The following SUGCT variants were observed in gnomAD, a reference collection of about 807,000 sequenced individuals.
The protein encoded by SUGCT is succinyl-CoA:glutarate-CoA transferase.
In SUGCT, 41 loss-of-function variants were observed where a neutral mutation model predicts 55.0. The ratio of observed to expected loss-of-function variants is 0.74; its 90% CI spans 0.58 to 0.97. The LOEUF is 0.97. Ranked by LOEUF, SUGCT falls within the 50% of genes least tolerant of loss-of-function variation. The pLI, the probability that SUGCT is intolerant of heterozygous loss-of-function variation, is 0.00. For missense variants in SUGCT, 568 were observed against 547.8 expected (o/e 1.04, Z -0.37); for synonymous variants, 187 against 200.4 (o/e 0.93, Z 0.56).
At chr7:40,217,968 C>T (rs1049588234) in intron 6 of SUGCT, among the ~76,000 whole-genome samples, 1 of 152,146 alleles carries the variant, frequency 6.6e-6, no homozygotes, top group South Asian at 2.1e-4. Context: ...AATCCTAGCG[C>T]TTTGGGAGGC....
intron 7 of SUGCT, among the ~76,000 whole-genome samples, chr7:40,262,537 C>T (rs1791294066): frequency 6.6e-6 from 1 of 150,404 alleles, no homozygotes. Context: ...TGGTAGTGGG[C>T]CCTTGTAGTC....
chr7:40,889,420 A>G, the SUGCT span, among the ~76,000 whole-genome samples: 4 of 152,272 alleles, frequency 2.6e-5, no homozygotes, highest in African/African-American at 2.4e-5. Context: ...ATGGGCTTTG[A>G]GACAGGATCT....
chr7:40,189,632 GT>G, intron 5 of SUGCT, 38 bp downstream of exon 5: 1 of 1,185,636 alleles, frequency 8.4e-7, no homozygotes, highest in Non-Finnish European at 1.1e-6. Flanking sequence ...TACCACCTAG[GT>G]TATAATTAGG....
chr7:40,228,415 G>GT (rs932295443), intron 6 of SUGCT, among the ~76,000 whole-genome samples: 2 of 151,726 alleles, frequency 1.3e-5, no homozygotes. Flanking sequence ...ATTCTGTTGT[G>GT]TTTTTTGATT....
At chr7:40,260,698 C>T (rs1447701376) in intron 7 of SUGCT, among the ~76,000 whole-genome samples, 1 of 152,182 alleles carries the variant, frequency 6.6e-6, no homozygotes, top group African/African-American at 2.4e-5. Context: ...GTTGCCCAGA[C>T]TGGAGTGCAA....
chr7:40,549,744 G>T (rs535202242), intron 12 of SUGCT, among the ~76,000 whole-genome samples: 1 of 152,270 alleles, frequency 6.6e-6, no homozygotes, highest in South Asian at 2.1e-4. Flanking sequence ...AGCATGAGGA[G>T]GCAGTATAGA....
chr7:40,574,683 T>A lies in SUGCT; in HGVS notation c.1089+78297T>A, dbSNP rs1455113355. On this transcript the variant is annotated intron_variant, in intron 12 of 13. Transcript: ENST00000335693. Reference sequence around the variant, plus strand: ...GTGACCTCAGGCGATCCGCCTGCCTTGACCTCCCAAAGTATTGGGATTACA... The same window carrying A: ...GTGACCTCAGGCGATCCGCCTGCCTAGACCTCCCAAAGTATTGGGATTACA... Among the ~76,000 whole-genome samples the A allele has an allele frequency of 1.8e-4, 28 of 152,184 alleles. 1 individual carries two copies. Among genetic ancestry groups the A allele is most frequent in the Admixed American group, 1.8e-3 (28 of 15,282 alleles).
At chr7:40,617,732 A>G (rs553258020) in intron 12 of SUGCT, among the ~76,000 whole-genome samples, 2 of 152,204 alleles carry the variant, frequency 1.3e-5, no homozygotes, top group African/African-American at 2.4e-5. Flanking sequence ...CAATAACTGC[A>G]TACTTTTTTT....
chr7:40,304,514 T>G (rs1794733164), intron 8 of SUGCT, among the ~76,000 whole-genome samples: 1 of 151,538 alleles, frequency 6.6e-6, no homozygotes, highest in East Asian at 1.9e-4. Flanking sequence ...AGTAGTGATT[T>G]CTGAGATTTT....
the SUGCT span, among the ~76,000 whole-genome samples, chr7:40,970,188 C>T: frequency 2.7e-5 from 4 of 150,544 alleles, no homozygotes; most frequent in African/African-American, 9.8e-5. Context: ...TTTTTTTTTT[C>T]TGAGACGGAG....
intron 10 of SUGCT, among the ~76,000 whole-genome samples, chr7:40,455,963 A>G (rs766686779): frequency 1.2e-4 from 18 of 152,186 alleles, no homozygotes; most frequent in Middle Eastern, 3.2e-3. Context: ...TTTTCTCCTG[A>G]CAAACAGCTC....
intron 9 of SUGCT, among the ~76,000 whole-genome samples, chr7:40,419,490 A>G (rs1251230764): frequency 6.6e-6 from 1 of 152,192 alleles, no homozygotes; most frequent in Non-Finnish European, 1.5e-5. Context: ...TACTTTCCTC[A>G]TTTATTTATT....
At chr7:40,405,458 C>T (rs1172369996) in intron 9 of SUGCT, among the ~76,000 whole-genome samples, 1 of 152,096 alleles carries the variant, frequency 6.6e-6, no homozygotes, top group Non-Finnish European at 1.5e-5. Context: ...AGCACATTTA[C>T]TTTGCTTCTT....
chr7:40,650,000 A>G (rs918443311), intron 12 of SUGCT, among the ~76,000 whole-genome samples: 3 of 152,206 alleles, frequency 2.0e-5, no homozygotes, highest in Non-Finnish European at 2.9e-5. Flanking sequence ...AAGGCCTTTC[A>G]GAAGACTGCA....
At chr7:40,428,070 A>G (rs975686532) in intron 9 of SUGCT, among the ~76,000 whole-genome samples, 3 of 152,122 alleles carry the variant, frequency 2.0e-5, no homozygotes, top group Admixed American at 6.6e-5. Context: ...CTTGTTTCAT[A>G]TATTTTCATA....
the SUGCT span, among the ~76,000 whole-genome samples, chr7:41,009,853 C>A: frequency 6.6e-6 from 1 of 152,206 alleles, no homozygotes; most frequent in Non-Finnish European, 1.5e-5. Context: ...CTGAAGACTG[C>A]AGAAAAGTAC....
At chr7:40,177,804 C>T (rs1554283723) in intron 1 of SUGCT, among the ~76,000 whole-genome samples, 1 of 152,110 alleles carries the variant, frequency 6.6e-6, no homozygotes, top group Non-Finnish European at 1.5e-5. Flanking sequence ...GGCTGGAGTG[C>T]AGTGGTGTAA....
chr7:40,633,708 A>G (rs914231272), intron 12 of SUGCT, among the ~76,000 whole-genome samples: 1 of 152,206 alleles, frequency 6.6e-6, no homozygotes, highest in African/African-American at 2.4e-5. Flanking sequence ...AGGCTCATAA[A>G]GGTAGCTTAG....
the SUGCT span, among the ~76,000 whole-genome samples, chr7:40,933,433 A>G: frequency 1.3e-5 from 2 of 151,976 alleles, no homozygotes; most frequent in African/African-American, 4.8e-5. Flanking sequence ...TTCTCAAGGA[A>G]TATCTTTGTG....
Sources: gnomAD v4.1 joint callset for allele counts (sites outside exome capture counted in the v4.1 genomes callset) on GRCh38, gnomAD v4.1.1 for gene constraint, MANE v1.5 for transcripts, NCBI Gene and HGNC (gene_info 2026-07-23, HGNC 2026-07-21) for gene names.